LDLRAD3: variants seen among roughly 807,000 people sequenced by gnomAD.
LDLRAD3 encodes low-density lipoprotein receptor class A domain-containing protein 3.
A neutral mutation model predicts 29.4 loss-of-function variants in LDLRAD3; 20 were observed. The observed-to-expected ratio is 0.68, with a 90% CI of 0.48 to 0.99. The LOEUF (loss-of-function observed/expected upper bound fraction) is 0.99. LDLRAD3 is among the 50% of genes least tolerant of loss of function. The pLI is 0.00. For synonymous variants in LDLRAD3, 157 were observed against 192.7 expected, an observed-to-expected ratio of 0.81 and a Z score of 1.53; for missense variants, 420 against 454.3, an observed-to-expected ratio of 0.92 and a Z score of 0.69.
At chr11:36,060,550 G>T (rs201298454) in intron 2 of LDLRAD3, among the ~76,000 whole-genome samples, 1 of 82,766 alleles carries the variant, frequency 1.2e-5, no homozygotes. Flanking sequence ...CCTTCCTTAG[G>T]GTAGCCTTTG....
intron 1 of LDLRAD3, among the ~76,000 whole-genome samples, chr11:36,009,865 G>A (rs1033825854): frequency 1.3e-5 from 2 of 152,154 alleles, no homozygotes; most frequent in African/African-American, 4.8e-5. Flanking sequence ...CCAGAAATCT[G>A]TAACCAGTAT....
At chr11:36,086,535 G>C (rs926653495) in intron 3 of LDLRAD3, among the ~76,000 whole-genome samples, 12 of 152,266 alleles carry the variant, frequency 7.9e-5, no homozygotes, top group African/African-American at 2.6e-4. Context: ...CCTACCAGTA[G>C]TTTGTGAGTT....
chr11:36,173,127 G>A (rs6416083), intron 4 of LDLRAD3, among the ~76,000 whole-genome samples: 135,732 of 152,160 alleles, frequency 0.89, 61,041 homozygotes, highest in Non-Finnish European at 0.95. Context: ...GGTATTCATA[G>A]TAGCCTTGAA....
chr11:36,054,786 A>G (rs1044707321), intron 2 of LDLRAD3, among the ~76,000 whole-genome samples: 12 of 124,940 alleles, frequency 9.6e-5, no homozygotes, highest in African/African-American at 3.8e-4. Context: ...TGGATGGATG[A>G]TGGGTACATG....
rs1343780985 is a variant in LDLRAD3, at chr11:36,105,238, T to TGTGTGTGTGTGTGTGTGTGTGTGA, written c.454+6778_454+6779insTGTGTGTGTGTGTGTGTGTGTGAG. Among the ~76,000 whole-genome samples, 21 of 128,428 alleles carry TGTGTGTGTGTGTGTGTGTGTGTGA rather than the reference T, an allele frequency of 1.6e-4. No homozygotes were observed. The East Asian group carries it at 4.8e-3, about 29-fold the overall frequency. 84.3% of individuals were successfully genotyped at this position (128,428 alleles called of 152,430 possible). ...GTGTGTGTGTGTGTGTGTGTGTGTG[T>TGTGTGTGTGTGTGTGTGTGTGTGA]GAGAGAGAGAGAGAGAGAGAGAGAA... On this transcript the variant is annotated intron_variant, in intron 4 of 5. Coordinates refer to ENST00000315571, the MANE Select transcript of LDLRAD3 (RefSeq NM_174902.4).
At chr11:35,992,958 T>C (rs189138046) in intron 1 of LDLRAD3, among the ~76,000 whole-genome samples, 37 of 152,356 alleles carry the variant, frequency 2.4e-4, no homozygotes, top group Middle Eastern at 3.4e-3. Flanking sequence ...TGATATATTC[T>C]AATTTATTCC....
chr11:36,084,080 T>A (rs1853160304), intron 3 of LDLRAD3, among the ~76,000 whole-genome samples: 1 of 145,296 alleles, frequency 6.9e-6, no homozygotes, highest in Admixed American at 6.9e-5. Context: ...CACCACACCC[T>A]CCTAATTTAA....
intron 3 of LDLRAD3, among the ~76,000 whole-genome samples, chr11:36,089,775 C>CTT (rs113433655): frequency 3.5e-4 from 48 of 138,196 alleles, no homozygotes; most frequent in Admixed American, 5.8e-4. Context: ...AATTTTTAAA[C>CTT]TTTTTTTTTT....
intron 4 of LDLRAD3, among the ~76,000 whole-genome samples, chr11:36,125,794 G>T (rs1853827891): frequency 6.6e-6 from 1 of 152,170 alleles, no homozygotes; most frequent in Non-Finnish European, 1.5e-5. Context: ...GTGGAGAATG[G>T]TGTCTTCTTG....
At chr11:36,104,014 G>A (rs1853489359) in intron 4 of LDLRAD3, among the ~76,000 whole-genome samples, 1 of 152,182 alleles carries the variant, frequency 6.6e-6, no homozygotes, top group Admixed American at 6.5e-5. Context: ...TATGGATTGT[G>A]ACTCGCTTTT....
intron 4 of LDLRAD3, among the ~76,000 whole-genome samples, chr11:36,176,694 T>C (rs1476465659): frequency 2.0e-5 from 3 of 152,234 alleles, no homozygotes; most frequent in African/African-American, 7.2e-5. Flanking sequence ...GTTAATCTGA[T>C]AGGTTTTCCT....
At chr11:36,048,658 G>A (rs904552) in intron 2 of LDLRAD3, among the ~76,000 whole-genome samples, 148,453 of 152,296 alleles carry the variant, frequency 0.97, 72,457 homozygotes, top group Middle Eastern at 1. Flanking sequence ...TAAGTCTCCT[G>A]TCACATATCT....
intron 4 of LDLRAD3, among the ~76,000 whole-genome samples, chr11:36,224,045 TTTATG>T (rs1193764293): frequency 1.3e-4 from 19 of 148,970 alleles, no homozygotes; most frequent in Admixed American, 7.4e-4. Flanking sequence ...AGTGGTAAAT[TTTATG>T]TTATGTCTAT....
chr11:35,955,286 T>C (rs966972523), intron 1 of LDLRAD3, among the ~76,000 whole-genome samples: 6 of 152,012 alleles, frequency 3.9e-5, no homozygotes, highest in African/African-American at 1.4e-4. Context: ...ACACATGAAA[T>C]AGTAAGGAAC....
chr11:36,021,284 A>G (rs1181621341), intron 1 of LDLRAD3, among the ~76,000 whole-genome samples: 1 of 152,182 alleles, frequency 6.6e-6, no homozygotes, highest in Non-Finnish European at 1.5e-5. Context: ...TAACTAGGGA[A>G]GATATCGCTT....
chr11:36,224,704 A>G (rs1353501878), intron 4 of LDLRAD3, among the ~76,000 whole-genome samples: 3 of 152,208 alleles, frequency 2.0e-5, no homozygotes, highest in African/African-American at 7.2e-5. Flanking sequence ...GGAGAGACAA[A>G]TTAACACACA....
intron 2 of LDLRAD3, among the ~76,000 whole-genome samples, chr11:36,053,804 A>G (rs1852564620): frequency 6.6e-6 from 1 of 152,306 alleles, no homozygotes; most frequent in Non-Finnish European, 1.5e-5. Flanking sequence ...GGCCTTTCAC[A>G]GTTACTACAG....
At chr11:36,119,331 G>C (rs1853719424) in intron 4 of LDLRAD3, among the ~76,000 whole-genome samples, 1 of 152,114 alleles carries the variant, frequency 6.6e-6, no homozygotes, top group African/African-American at 2.4e-5. Flanking sequence ...TTTATACCTA[G>C]AAGTGGAATT....
chr11:36,099,144 G>A (rs1853409085), intron 4 of LDLRAD3, among the ~76,000 whole-genome samples: 1 of 152,078 alleles, frequency 6.6e-6, no homozygotes. Flanking sequence ...TTGCCTCCTT[G>A]TGTCTGGGCT....
Sources: gnomAD v4.1 joint callset for allele counts (sites outside exome capture counted in the v4.1 genomes callset) on GRCh38, gnomAD v4.1.1 for gene constraint, MANE v1.5 for transcripts, NCBI Gene and HGNC (gene_info 2026-07-23, HGNC 2026-07-21) for gene names.